The following PCDHGA7 variants were observed in gnomAD, a reference collection of about 807,000 sequenced individuals.
The protein encoded by PCDHGA7 is protocadherin gamma-A7.
PCDHGA7 carries 44 observed loss-of-function variants against 58.3 expected under a neutral mutation model. The observed-to-expected ratio is 0.75, with a 90% CI of 0.59 to 0.97. PCDHGA7 has a LOEUF of 0.97. Among genes scored for constraint, PCDHGA7 ranks in the 50% least tolerant of loss-of-function variants. PCDHGA7 has a pLI of 0.00. For synonymous variants in PCDHGA7, 516 were observed against 504.2 expected (o/e 1.02, Z -0.31); for missense variants, 1,266 against 1,188.7 (o/e 1.06, Z -0.96).
chr5:141,456,383 T>G (rs1372337704), intron 1 of PCDHGA7, among the ~76,000 whole-genome samples: 4 of 152,130 alleles, frequency 2.6e-5, no homozygotes, highest in Admixed American at 2.6e-4. Flanking sequence ...ACAGCACCGT[T>G]TGGAGTTTGA....
chr5:141,386,433 T>C (rs1214742071), intron 1 of PCDHGA7, among the ~76,000 whole-genome samples: 1 of 152,144 alleles, frequency 6.6e-6, no homozygotes, highest in African/African-American at 2.4e-5. Context: ...CCCACCTGCA[T>C]GGGAGGCTGA....
intron 1 of PCDHGA7, among the ~76,000 whole-genome samples, chr5:141,460,285 T>C (rs1283830175): frequency 1.3e-5 from 2 of 152,154 alleles, no homozygotes; most frequent in Admixed American, 6.5e-5. Context: ...ATAGTTTGTA[T>C]TTCTTATGTC....
chr5:141,405,059 G>A (rs374581472), intron 1 of PCDHGA7: 22 of 1,613,900 alleles, frequency 1.4e-5, no homozygotes, highest in Non-Finnish European at 1.9e-5. Flanking sequence ...CGTCTCCTGT[G>A]TCTTCCTCAC....
chr5:141,457,701 G>A (rs1341216514), intron 1 of PCDHGA7, among the ~76,000 whole-genome samples: 1 of 152,222 alleles, frequency 6.6e-6, no homozygotes, highest in Admixed American at 6.5e-5. Context: ...TGGCTTTGAT[G>A]AAACACTGTT....
In PCDHGA7 at chr5:141,485,146, G is replaced by C; in HGVS notation, c.2425-9661G>C. 6.4e-7 allele frequency: 1 copy of C among 1,569,470 alleles called. No individual in the cohort carries two copies. Among genetic ancestry groups the C allele is most frequent in the Non-Finnish European group, 8.7e-7 (1 of 1,143,568 alleles). On this transcript the variant is annotated intron_variant, in intron 1 of 3. Transcript: ENST00000518325. The surrounding 1 kb of genome is among the most constrained non-coding windows in gnomAD (Gnocchi z 5.7). Reference sequence around the variant, plus strand: ...GGTCGGCTTCATCCGCGTCTCAGGAGCAAGTAGAGAATTAGCGGGCGGCAG... The same window carrying C: ...GGTCGGCTTCATCCGCGTCTCAGGACCAAGTAGAGAATTAGCGGGCGGCAG...
chr5:141,410,847 G>GTATTTTTTT, intron 1 of PCDHGA7: 1 of 158,252 alleles, frequency 6.3e-6, no homozygotes, highest in African/African-American at 8.4e-5. Context: ...TTTTGTCTTT[G>GTATTTTTTT]TCTTTTTTTT....
intron 1 of PCDHGA7, among the ~76,000 whole-genome samples, chr5:141,481,443 C>T (rs971405190): frequency 1.3e-5 from 2 of 152,174 alleles, no homozygotes; most frequent in African/African-American, 4.8e-5. Flanking sequence ...CAGTTTAGTA[C>T]ATGTAAATAC....
At position 141,476,923 on chromosome 5, in the gene PCDHGA7, G is replaced by A. The variant is rs368207814; in HGVS notation, c.2425-17884G>A. On this transcript the variant is annotated intron_variant, in intron 1 of 3. Transcript: ENST00000518325. This position sits in a 1 kb window ranked among gnomAD's most constrained non-coding sequence, Gnocchi z 7.6. ...CGCGCGTGGTACAAGTCCTTGCAAC[G>A]GATCTGGATGAAGGCCCCAACGGTG... The A allele has an allele frequency of 5.0e-6, 8 of 1,614,024 alleles. No individual in the cohort carries two copies. Among genetic ancestry groups the A allele is most frequent in the African/African-American group, 4.0e-5 (3 of 74,952 alleles).
At chr5:141,390,382 T>C in intron 1 of PCDHGA7, 2 of 1,443,060 alleles carry the variant, frequency 1.4e-6, no homozygotes, top group South Asian at 1.3e-5. Context: ...AATTTTTAGA[T>C]GTCATGGATC....
chr5:141,470,123 C>T (rs368463710), intron 1 of PCDHGA7, among the ~76,000 whole-genome samples: 11 of 151,234 alleles, frequency 7.3e-5, no homozygotes, highest in Admixed American at 3.3e-4. Flanking sequence ...AGCAAGACTT[C>T]GTCTCAAAAA....
At chr5:141,480,511 A>G (rs2099520888) in intron 1 of PCDHGA7, among the ~76,000 whole-genome samples, 1 of 127,378 alleles carries the variant, frequency 7.9e-6, no homozygotes, top group African/African-American at 3.6e-5. Context: ...ATATGAGAAC[A>G]ACCAAAAATG....
In PCDHGA7 at chr5:141,384,274, G is replaced by T. The variant is rs1396743546; in HGVS notation, c.1375G>T (p.Val459Phe). ...CACCTTCCCCCACTCATCCTACTCAGTCTACATCGCTGAGAACAACCCCAG... is the reference window on the plus strand; with the variant it reads ...CACCTTCCCCCACTCATCCTACTCATTCTACATCGCTGAGAACAACCCCAG... Reference protein sequence around the residue: ...PPTFPHSSYSVYIAENNPRGA... With the variant: ...PPTFPHSSYSFYIAENNPRGA... Residue 459 changes from valine (V) to phenylalanine (F), a missense_variant, in exon 1 of 4, where the codon GTC (valine) becomes TTC (phenylalanine). Coordinates refer to ENST00000518325, the MANE Select transcript of PCDHGA7 (RefSeq NM_018920.4). 1 of 1,613,704 alleles carries T rather than the reference G, an allele frequency of 6.2e-7. No individual in the cohort carries two copies. Among genetic ancestry groups the T allele is most frequent in the East Asian group, 2.2e-5 (1 of 44,886 alleles).
Position 141,476,758 on chromosome 5 carries a change from G to A in PCDHGA7, c.2425-18049G>A. On this transcript the variant is annotated intron_variant, in intron 1 of 3. Transcript: ENST00000518325. The surrounding 1 kb of genome is among the most constrained non-coding windows in gnomAD (Gnocchi z 7.6). Reference sequence around the variant, plus strand: ...GGGAGCCTAGTCTCCAGTTAGTGCTGACGGCGTTGGACGGAGGGACCCCAG... The same window carrying A: ...GGGAGCCTAGTCTCCAGTTAGTGCTAACGGCGTTGGACGGAGGGACCCCAG... 1 of 1,613,868 alleles carries A rather than the reference G, an allele frequency of 6.2e-7. No homozygotes were observed. The highest frequency in any genetic ancestry group is 1.1e-5 in the South Asian group (1 of 91,086).
intron 1 of PCDHGA7, among the ~76,000 whole-genome samples, chr5:141,479,050 C>T (rs1484021560): frequency 6.6e-6 from 1 of 152,164 alleles, no homozygotes; most frequent in African/African-American, 2.4e-5. Context: ...ACCTCATTCT[C>T]AGATAATTTT....
At chr5:141,389,871 G>A (rs199638280) in intron 1 of PCDHGA7, 73 of 1,613,938 alleles carry the variant, frequency 4.5e-5, no homozygotes, top group Non-Finnish European at 5.8e-5. Flanking sequence ...CCTGGTCTTC[G>A]CCGACAGCTT....
intron 1 of PCDHGA7, chr5:141,413,459 A>G: frequency 6.2e-7 from 1 of 1,614,080 alleles, no homozygotes; most frequent in Non-Finnish European, 8.5e-7. Flanking sequence ...GGCAGGATAG[A>G]CCGGGAGGAG....
At chr5:141,402,872 T>C in intron 1 of PCDHGA7, 1 of 1,455,372 alleles carries the variant, frequency 6.9e-7, no homozygotes, top group Non-Finnish European at 9.1e-7. Flanking sequence ...AAGATCACCA[T>C]ACTTTGCAGG....
chr5:141,445,302 A>C (rs2098462947), intron 1 of PCDHGA7, among the ~76,000 whole-genome samples: 1 of 152,220 alleles, frequency 6.6e-6, no homozygotes, highest in African/African-American at 2.4e-5. Flanking sequence ...CATTCTCTTC[A>C]GTTTGTAGGT....
At chr5:141,501,983 C>T (rs957901405) in intron 2 of PCDHGA7, among the ~76,000 whole-genome samples, 1 of 152,068 alleles carries the variant, frequency 6.6e-6, no homozygotes, top group Non-Finnish European at 1.5e-5. Context: ...CATCTGGTCC[C>T]GTTGTCTCCC....
Sources: allele counts gnomAD v4.1 joint callset (sites outside exome capture counted in the v4.1 genomes callset), GRCh38; gene constraint gnomAD v4.1.1; non-coding constraint Gnocchi (gnomAD v3.1); transcripts MANE v1.5; gene names NCBI Gene and HGNC (gene_info 2026-07-23, HGNC 2026-07-21).